CLCN4: variants seen among roughly 807,000 people sequenced by gnomAD.
The protein encoded by CLCN4 is Cl-/H+ antiporter 4.
In CLCN4, 1 loss-of-function variant was observed where a neutral mutation model predicts 41.7. The observed-to-expected ratio is 0.02, with a 90% CI of 0.01 to 0.11. The LOEUF is 0.11. CLCN4 is among the 10% of genes least tolerant of loss of function. The pLI is 1.00. For synonymous variants in CLCN4, 277 were observed against 285.8 expected (o/e 0.97, Z 0.31); for missense variants, 287 against 661.0 (o/e 0.43, Z 6.20).
intron 6 of CLCN4, among the ~76,000 whole-genome samples, chrX:10,200,669 A>G (rs1432222858): frequency 3.6e-5 from 4 of 111,806 alleles, no homozygotes; most frequent in Non-Finnish European, 7.5e-5. Context: ...AAGGAGTAAA[A>G]TACTGAGTTG....
chrX:10,216,541 G>A, intron 11 of CLCN4, among the ~76,000 whole-genome samples: 1 of 111,148 alleles, frequency 9.0e-6, no homozygotes, highest in Middle Eastern at 4.6e-3. Flanking sequence ...TTGCAGAGAT[G>A]ATTAAAGGGT....
chrX:10,237,626 TAAAAC>T lies in CLCN4; in HGVS notation c.*4045_*4049del, dbSNP rs1402806974. 2 of 111,741 alleles carry T rather than the reference TAAAAC, an allele frequency of 1.8e-5. No homozygotes were observed. Among genetic ancestry groups the T allele is most frequent in the Non-Finnish European group, 3.8e-5 (2 of 53,163 alleles). 9.2% of individuals were successfully genotyped at this position (111,741 alleles called of 1,213,427 possible). A position where few individuals can be genotyped will look rare whatever the true frequency, so the allele number is the denominator to read the frequency against. On this transcript the variant is annotated 3_prime_UTR_variant, in exon 13 of 13. Transcript: ENST00000380833. ...AATGTCTGAACTCTATTTTTAAAAA[TAAAAC>T]AAGCACAGAGTCTGCAACAAACATG...
At position 10,220,880 on chromosome X, in the gene CLCN4, G is replaced by A. The variant is rs1174761649; in HGVS notation, c.2192+3G>A. ...CAGTGCCTGGTGACGCGGAGCGGGT[G>A]AGTAGCCGGACATGTGGCCAGAATG... On this transcript the variant is annotated splice_donor_region_variant and intron_variant, in intron 12 of 12. Coordinates refer to ENST00000380833, the MANE Select transcript of CLCN4 (RefSeq NM_001830.4). The A allele has an allele frequency of 8.4e-7, 1 of 1,196,011 alleles. No individual in the cohort carries two copies. The highest frequency in any genetic ancestry group is 1.1e-6 in the Non-Finnish European group (1 of 882,341).
Position 10,208,665 on chromosome X carries a change from ATTGCGGTGGG to A in CLCN4, c.1389+76_1389+85del. 6 of 975,875 alleles carry A rather than the reference ATTGCGGTGGG, an allele frequency of 6.1e-6. No homozygotes were observed. The Admixed American group carries it at 8.9e-5, about 14-fold the overall frequency. The allele number at this position is 975,875 out of a possible 1,213,427, so 80.4% of individuals were successfully genotyped here. ...ACAGCACCCTACTCTCTAAAATAAA[ATTGCGGTGGG>A]AAAAAAAGGGGAACTGGCCTTTCTT... On this transcript the variant is annotated intron_variant, in intron 9 of 12. Coordinates refer to ENST00000380833, the MANE Select transcript of CLCN4 (RefSeq NM_001830.4).
chrX:10,170,559 C>T (rs1395599766), intron 2 of CLCN4, among the ~76,000 whole-genome samples: 1 of 111,738 alleles, frequency 8.9e-6, no homozygotes, highest in Non-Finnish European at 1.9e-5. Flanking sequence ...TAATGTGCGC[C>T]CTTGGATCAG....
At chrX:10,194,086 C>T (rs1475274313) in intron 4 of CLCN4, among the ~76,000 whole-genome samples, 5 of 109,328 alleles carry the variant, frequency 4.6e-5, no homozygotes, top group African/African-American at 1.7e-4. Flanking sequence ...CTGAGGTGGG[C>T]GGTGTCCGAT....
At chrX:10,200,931 C>T (rs906728415) in intron 6 of CLCN4, among the ~76,000 whole-genome samples, 5 of 111,982 alleles carry the variant, frequency 4.5e-5, no homozygotes, top group African/African-American at 6.5e-5. Context: ...TTAAGTGATT[C>T]GCCTGCCTTG....
Position 10,235,940 on chromosome X carries a change from G to A in CLCN4, c.*2356G>A, listed in dbSNP as rs972451970. The A allele has an allele frequency of 3.6e-5, 4 of 112,212 alleles. No individual in the cohort carries two copies. The highest frequency in any genetic ancestry group is 1.3e-4 in the African/African-American group (4 of 30,873). The allele number at this position is 112,212 out of a possible 1,213,427, so 9.2% of individuals were successfully genotyped here. A position where few individuals can be genotyped will look rare whatever the true frequency, so the allele number is the denominator to read the frequency against. ...TTAGTGTTGGTGTTGTGGTTTCTGC[G>A]GAACGTTTACAAGTGAAGTTGGATT... On this transcript the variant is annotated 3_prime_UTR_variant, in exon 13 of 13. Transcript: ENST00000380833.
chrX:10,177,088 G>C (rs1463489458), intron 2 of CLCN4, among the ~76,000 whole-genome samples: 1 of 112,901 alleles, frequency 8.9e-6, no homozygotes, highest in East Asian at 2.7e-4. Context: ...TATGAGCTAA[G>C]AATGGTTTTT....
chrX:10,219,782 T>C (rs1386792869), intron 11 of CLCN4, among the ~76,000 whole-genome samples: 4 of 112,218 alleles, frequency 3.6e-5, no homozygotes, highest in Non-Finnish European at 7.5e-5. Context: ...TTCCCTAACC[T>C]TTTCCCATGA....
At chrX:10,220,387 T>C (rs989040857) in intron 11 of CLCN4, among the ~76,000 whole-genome samples, 4 of 111,512 alleles carry the variant, frequency 3.6e-5, no homozygotes, top group African/African-American at 1.3e-4. Flanking sequence ...GGTGAAGCAG[T>C]GAATGTCCCC....
rs1321933237 is a variant in CLCN4, at chrX:10,235,176, G to A, written c.*1592G>A. On this transcript the variant is annotated 3_prime_UTR_variant, in exon 13 of 13. Transcript: ENST00000380833. ...TTTACCTTTTGTCCTCTGGCTTATT[G>A]CCTCAGAGTTGCAAGATGGTTCCTG... 1 of 112,271 alleles carries A rather than the reference G, an allele frequency of 8.9e-6. No individual in the cohort carries two copies. The highest frequency in any genetic ancestry group is 1.9e-5 in the Non-Finnish European group (1 of 53,213). The allele number at this position is 112,271 out of a possible 1,213,427, so 9.3% of individuals were successfully genotyped here.
At chrX:10,180,740 C>T (rs1409559318) in intron 2 of CLCN4, among the ~76,000 whole-genome samples, 1 of 85,283 alleles carries the variant, frequency 1.2e-5, no homozygotes, top group Non-Finnish European at 2.1e-5. Context: ...GCACTCCAGC[C>T]TGGGCAACAA....
intron 2 of CLCN4, among the ~76,000 whole-genome samples, chrX:10,175,941 T>TCC (rs1923516274): frequency 5.1e-5 from 3 of 58,694 alleles, no homozygotes; most frequent in African/African-American, 2.3e-4. Flanking sequence ...CCTCCCTCCC[T>TCC]CTCCCTCTCT....
At chrX:10,210,500 ATTTATT>A (rs1024506200) in intron 9 of CLCN4, among the ~76,000 whole-genome samples, 13 of 110,335 alleles carry the variant, frequency 1.2e-4, no homozygotes, top group Non-Finnish European at 2.1e-4. Flanking sequence ...TTTTAATTTT[ATTTATT>A]TTTATTAAAA....
At chrX:10,168,801 G>A (rs959806896) in intron 2 of CLCN4, among the ~76,000 whole-genome samples, 7 of 109,971 alleles carry the variant, frequency 6.4e-5, no homozygotes, top group Non-Finnish European at 1.3e-4. Context: ...CCTGAATAAC[G>A]CCACTGGTTC....
Position 10,157,060 on chromosome X carries a change from C to T in CLCN4, c.-315C>T. On this transcript the variant is annotated 5_prime_UTR_variant, in exon 1 of 13. Transcript: ENST00000380833. Reference sequence around the variant, plus strand: ...CTCAACCCAAAGGAGCAGGAGATTTCGGTAGCGTTTTAACTTTATCTCAGA... The same window carrying T: ...CTCAACCCAAAGGAGCAGGAGATTTTGGTAGCGTTTTAACTTTATCTCAGA... 1 of 297,955 alleles carries T rather than the reference C, an allele frequency of 3.4e-6. No individual in the cohort carries two copies. The allele number at this position is 297,955 out of a possible 1,213,427, so 24.6% of individuals were successfully genotyped here.
chrX:10,199,242 GA>G (rs747635713), intron 6 of CLCN4, among the ~76,000 whole-genome samples: 2 of 112,126 alleles, frequency 1.8e-5, no homozygotes, highest in East Asian at 5.6e-4. Context: ...TCACACAACA[GA>G]AACCACAGGG....
intron 2 of CLCN4, among the ~76,000 whole-genome samples, chrX:10,173,677 GGAGCTTGT>G (rs1052882916): frequency 3.6e-5 from 4 of 112,047 alleles, no homozygotes; most frequent in African/African-American, 1.3e-4. Context: ...TGCGGGGGCG[GGAGCTTGT>G]GAGAAATTCG....
Sources: gnomAD v4.1 joint callset for allele counts (sites outside exome capture counted in the v4.1 genomes callset) on GRCh38, gnomAD v4.1.1 for gene constraint, MANE v1.5 for transcripts, NCBI Gene and HGNC (gene_info 2026-07-23, HGNC 2026-07-21) for gene names.